Variants in CA10 observed in about 807,000 individuals in gnomAD.
CA10 encodes carbonic anhydrase-related protein 10.
A neutral mutation model predicts 44.2 loss-of-function variants in CA10; 14 were observed. The ratio of observed to expected loss-of-function variants is 0.32; its 90% confidence interval spans 0.21 to 0.50. The LOEUF is 0.50. Among genes scored for constraint, CA10 ranks in the 20% least tolerant of loss-of-function variants. The pLI is 0.99. For missense variants in CA10, 350 were observed against 409.7 expected (o/e 0.85, Z 1.26); for synonymous variants, 159 against 141.6 (o/e 1.12, Z -0.87).
chr17:51,858,172 G>A (rs1186930278), intron 3 of CA10, among the ~76,000 whole-genome samples: 1 of 152,036 alleles, frequency 6.6e-6, no homozygotes, highest in African/African-American at 2.4e-5. Context: ...TGGGCACCTG[G>A]AATCTTCCAC....
Position 52,072,329 on chromosome 17 carries a change from G to A in CA10, c.126C>T (p.Ser42=), listed in dbSNP as rs1236910930. Reference sequence around the variant, plus strand: ...TTAATGTGTACTTACCTGGAACAAAGCTTCCCTGGACCACCTCCTTGTATG... The same window carrying A: ...TTAATGTGTACTTACCTGGAACAAAACTTCCCTGGACCACCTCCTTGTATG... ...WWAYKEVVQG[S]FVPVPSFWGL... The change falls in exon 2 of 9, where the codon AGC becomes AGT. Residue 42 remains serine, a synonymous_variant. Coordinates refer to ENST00000451037, the MANE Select transcript of CA10 (RefSeq NM_020178.5). The A allele has an allele frequency of 1.2e-6, 2 of 1,609,658 alleles. No homozygotes were observed. The highest frequency in any genetic ancestry group is 1.7e-5 in the Admixed American group (1 of 59,956).
At chr17:52,066,503 A>C (rs968790343) in intron 2 of CA10, among the ~76,000 whole-genome samples, 1 of 152,300 alleles carries the variant, frequency 6.6e-6, no homozygotes, top group East Asian at 1.9e-4. Flanking sequence ...GTAGTGAATG[A>C]GTCTCATGAG....
At chr17:51,834,153 A>G (rs1468514411) in intron 3 of CA10, among the ~76,000 whole-genome samples, 3 of 152,360 alleles carry the variant, frequency 2.0e-5, no homozygotes, top group South Asian at 2.1e-4. Context: ...GAACTTGACT[A>G]TAGAAATCTA....
chr17:51,960,510 A>G (rs771857713), intron 2 of CA10, among the ~76,000 whole-genome samples: 16 of 152,306 alleles, frequency 1.1e-4, no homozygotes, highest in Admixed American at 3.9e-4. Flanking sequence ...AAGTAAAACA[A>G]ACACTTTACA....
At chr17:51,874,388 T>TAAAAAAAAAAA (rs780808287) in intron 3 of CA10, among the ~76,000 whole-genome samples, 1 of 127,456 alleles carries the variant, frequency 7.8e-6, no homozygotes. Context: ...GAGTAATTAT[T>TAAAAAAAAAAA]AAAAAAAAAA....
At chr17:52,093,760 G>A (rs1988330259) in intron 1 of CA10, among the ~76,000 whole-genome samples, 1 of 152,014 alleles carries the variant, frequency 6.6e-6, no homozygotes, top group Admixed American at 6.5e-5. Context: ...TGGAAAAGAG[G>A]GCAATAACTA....
At chr17:51,936,848 T>C (rs972449720) in intron 2 of CA10, among the ~76,000 whole-genome samples, 2 of 152,156 alleles carry the variant, frequency 1.3e-5, no homozygotes, top group Admixed American at 1.3e-4. Flanking sequence ...CAAGCAACAG[T>C]TGGGGACATA....
intron 2 of CA10, among the ~76,000 whole-genome samples, chr17:52,065,502 G>T (rs559078574): frequency 2.6e-5 from 4 of 152,224 alleles, no homozygotes; most frequent in Admixed American, 2.6e-4. Context: ...AGGAATAGGT[G>T]GTGGGAAGAG....
intron 2 of CA10, among the ~76,000 whole-genome samples, chr17:51,943,220 A>G (rs1049750196): frequency 6.6e-6 from 1 of 152,160 alleles, no homozygotes; most frequent in South Asian, 2.1e-4. Context: ...ATCCTTTACT[A>G]TTGAAATCAT....
At chr17:51,736,827 C>T (rs573310469) in intron 4 of CA10, among the ~76,000 whole-genome samples, 25 of 152,108 alleles carry the variant, frequency 1.6e-4, no homozygotes, top group Non-Finnish European at 3.2e-4. Context: ...TGTAACTTCC[C>T]AGTAGCTGTC....
intron 2 of CA10, among the ~76,000 whole-genome samples, chr17:51,986,775 A>G (rs1984852901): frequency 6.6e-6 from 1 of 152,106 alleles, no homozygotes; most frequent in Non-Finnish European, 1.5e-5. Context: ...ATGACTAATG[A>G]TCAGGGAAAT....
chr17:52,088,473 A>G (rs184571687), intron 1 of CA10, among the ~76,000 whole-genome samples: 40 of 152,292 alleles, frequency 2.6e-4, no homozygotes, highest in African/African-American at 9.4e-4. Context: ...ACAGTTTGGC[A>G]AGCTCCTGGG....
chr17:51,758,939 C>T (rs933957187), intron 3 of CA10, among the ~76,000 whole-genome samples: 1 of 152,056 alleles, frequency 6.6e-6, no homozygotes, highest in Middle Eastern at 3.2e-3. Flanking sequence ...CAAGACTGTC[C>T]GATTTCAAAG....
At chr17:52,068,501 C>T (rs1204798266) in intron 2 of CA10, among the ~76,000 whole-genome samples, 1 of 152,186 alleles carries the variant, frequency 6.6e-6, no homozygotes, top group African/African-American at 2.4e-5. Context: ...CACATTACCA[C>T]CCTTCTCCAC....
At chr17:51,718,074 A>G (rs976287161) in intron 4 of CA10, among the ~76,000 whole-genome samples, 3 of 149,418 alleles carry the variant, frequency 2.0e-5, no homozygotes, top group African/African-American at 7.4e-5. Flanking sequence ...GGGGAAGAGG[A>G]GGAGGGGGAC....
At chr17:52,088,717 A>T (rs1212041192) in intron 1 of CA10, among the ~76,000 whole-genome samples, 2 of 152,324 alleles carry the variant, frequency 1.3e-5, no homozygotes, top group Middle Eastern at 3.4e-3. Context: ...AGGTTTTCTC[A>T]AATTTCTGAG....
At chr17:51,947,224 CAAAAAAA>C (rs1198796736) in intron 2 of CA10, among the ~76,000 whole-genome samples, 3 of 52,136 alleles carry the variant, frequency 5.8e-5, no homozygotes, top group Non-Finnish European at 1.1e-4. Context: ...TCTTCATGTG[CAAAAAAA>C]AAAAAAAAAA....
intron 2 of CA10, among the ~76,000 whole-genome samples, chr17:52,062,502 GC>G (rs1987416946): frequency 1.3e-5 from 2 of 152,238 alleles, no homozygotes; most frequent in South Asian, 4.2e-4. Flanking sequence ...AATCTTTGTA[GC>G]CCCCTCCCAT....
chr17:51,678,811 A>G (rs1306017158), intron 4 of CA10, among the ~76,000 whole-genome samples: 1 of 152,216 alleles, frequency 6.6e-6, no homozygotes, highest in Non-Finnish European at 1.5e-5. Context: ...GATGATCTGA[A>G]GTCTCCTCCA....
Sources: gnomAD v4.1 joint callset for allele counts (sites outside exome capture counted in the v4.1 genomes callset) on GRCh38, gnomAD v4.1.1 for gene constraint, MANE v1.5 for transcripts, NCBI Gene and HGNC (gene_info 2026-07-23, HGNC 2026-07-21) for gene names.